Variants in PCTP observed in about 807,000 individuals in gnomAD.
PCTP encodes the protein phosphatidylcholine transfer protein.
A neutral mutation model predicts 31.0 loss-of-function variants in PCTP; 27 were observed. The observed-to-expected ratio is 0.87, with a 90% confidence interval of 0.64 to 1.20. The LOEUF (loss-of-function observed/expected upper bound fraction) is 1.20. PCTP is among the 50% of genes most tolerant of loss of function. PCTP has a pLI of 0.00. For missense variants in PCTP, 287 were observed against 268.2 expected (o/e 1.07, Z -0.49); for synonymous variants, 108 against 101.2 (o/e 1.07, Z -0.40).
intron 2 of PCTP, among the ~76,000 whole-genome samples, chr17:55,783,437 C>G (rs960523317): frequency 1.2e-4 from 19 of 152,170 alleles, no homozygotes; most frequent in Non-Finnish European, 2.2e-4. Context: ...GGACAGCACG[C>G]CGAATTCATT....
chr17:55,787,159 C>A (rs1395903474), intron 2 of PCTP, among the ~76,000 whole-genome samples: 7 of 151,412 alleles, frequency 4.6e-5, no homozygotes, highest in African/African-American at 1.7e-4. Context: ...TCTTTAAGAG[C>A]TGCACTTTCC....
intron 3 of PCTP, among the ~76,000 whole-genome samples, chr17:55,821,886 G>A (rs1913127110): frequency 6.6e-6 from 1 of 152,144 alleles, no homozygotes; most frequent in Non-Finnish European, 1.5e-5. Flanking sequence ...TGAAATCTCT[G>A]CCTCTGACTT....
chr17:55,780,090 CTTTTT>C (rs59816865), downstream of PCTP, among the ~76,000 whole-genome samples: 1 of 138,874 alleles, frequency 7.2e-6, no homozygotes. Flanking sequence ...CAAGGAAGAA[CTTTTT>C]TTTTTTTTTT....
rs1598002648 is a variant in PCTP, at chr17:55,795,109, A to G, written c.317+7455A>G. Among the ~76,000 whole-genome samples, 3 of 152,122 alleles carry G rather than the reference A, an allele frequency of 2.0e-5. No homozygotes were observed. The South Asian group carries it at 6.2e-4, about 32-fold the overall frequency. ...GCCTAAAACTTAAAATTGAATGAAC[A>G]TGACATGAGATGTTTCTAAAGAGCT... On this transcript the variant is annotated intron_variant, in intron 3 of 3. Transcript: ENST00000572536.
chr17:55,756,413 G>T (rs1224049412), intron 1 of PCTP, among the ~76,000 whole-genome samples: 1 of 152,212 alleles, frequency 6.6e-6, no homozygotes, highest in African/African-American at 2.4e-5. Flanking sequence ...AGTCCAGAAA[G>T]GCCCTCTGTG....
chr17:55,846,273 C>G (rs890859913), downstream of PCTP, among the ~76,000 whole-genome samples: 1 of 152,112 alleles, frequency 6.6e-6, no homozygotes, highest in Non-Finnish European at 1.5e-5. Context: ...TCATGTACCA[C>G]CAAATATAGA....
At chr17:55,790,658 TACAA>T (rs1269809425) in intron 3 of PCTP, among the ~76,000 whole-genome samples, 1 of 151,364 alleles carries the variant, frequency 6.6e-6, no homozygotes, top group Non-Finnish European at 1.5e-5. Flanking sequence ...TAAAAGAGGA[TACAA>T]ACAAATGGAA....
intron 3 of PCTP, among the ~76,000 whole-genome samples, chr17:55,793,258 C>G (rs1409277427): frequency 6.6e-6 from 1 of 152,062 alleles, no homozygotes; most frequent in Non-Finnish European, 1.5e-5. Flanking sequence ...TGAGCCTCAT[C>G]TGATTATTCT....
In PCTP at chr17:55,751,415, T is replaced by A. The variant is rs547390695; in HGVS notation, c.141+171T>A. On this transcript the variant is annotated intron_variant, in intron 1 of 5. Coordinates refer to ENST00000268896, the MANE Select transcript of PCTP (RefSeq NM_021213.4). The stretch of plus-strand genomic sequence containing the variant: ...AGCTCTGGAGCTAGCGCAGGGGCGG[T>A]GCCTCCAAGTGACTGCCGTGCAGAT... 9.1e-6 allele frequency: 14 copies of A among 1,534,270 alleles called. No homozygotes were observed. The South Asian group carries it at 1.6e-4, about 17-fold the overall frequency.
chr17:55,756,998 T>G (rs1910061643), intron 1 of PCTP, among the ~76,000 whole-genome samples: 1 of 152,026 alleles, frequency 6.6e-6, no homozygotes, highest in Non-Finnish European at 1.5e-5. Flanking sequence ...GTTTCCTCAT[T>G]TGCAAAACCT....
intron 5 of PCTP, chr17:55,775,688 A>C: frequency 8.3e-7 from 1 of 1,211,534 alleles, no homozygotes; most frequent in Non-Finnish European, 1.0e-6. Flanking sequence ...AATTCAGTAA[A>C]GCAAGTGCTT....
chr17:55,804,997 C>T (rs957740793), intron 3 of PCTP, among the ~76,000 whole-genome samples: 1 of 151,994 alleles, frequency 6.6e-6, no homozygotes, highest in South Asian at 2.1e-4. Flanking sequence ...GGTAGAACAA[C>T]CATGCATTTG....
chr17:55,780,588 C>G (rs779937179), downstream of PCTP, among the ~76,000 whole-genome samples: 3 of 152,224 alleles, frequency 2.0e-5, no homozygotes, highest in African/African-American at 4.8e-5. Context: ...GCCCCACATT[C>G]ATGTAGTCCA....
At chr17:55,802,683 C>T (rs1912427534) in intron 3 of PCTP, among the ~76,000 whole-genome samples, 1 of 152,186 alleles carries the variant, frequency 6.6e-6, no homozygotes, top group South Asian at 2.1e-4. Context: ...ATGCTAAAAA[C>T]TCTCAATAAA....
intron 1 of PCTP, among the ~76,000 whole-genome samples, chr17:55,762,205 G>A (rs76882807): frequency 0.063 from 9,517 of 152,202 alleles, 296 homozygotes; most frequent in African/African-American, 0.067. Context: ...GTTTAGGATG[G>A]GCCAAAGTTC....
chr17:55,789,522 C>T (rs1363193369), intron 3 of PCTP, among the ~76,000 whole-genome samples: 1 of 152,186 alleles, frequency 6.6e-6, no homozygotes, highest in Non-Finnish European at 1.5e-5. Context: ...ATTGCTGTGT[C>T]TGCAATGTTA....
At chr17:55,790,903 T>G (rs1911940811) in intron 3 of PCTP, among the ~76,000 whole-genome samples, 2 of 150,636 alleles carry the variant, frequency 1.3e-5, no homozygotes, top group East Asian at 3.9e-4. Context: ...GACTTCAAAC[T>G]GTACTACAAG....
chr17:55,839,207 C>T (rs766523690), intron 5 of PCTP, among the ~76,000 whole-genome samples: 3 of 152,052 alleles, frequency 2.0e-5, no homozygotes, highest in African/African-American at 4.8e-5. Context: ...TTTTGAGCCT[C>T]AATTTCTTTT....
At chr17:55,791,966 C>T (rs1413584765) in intron 3 of PCTP, among the ~76,000 whole-genome samples, 1 of 151,758 alleles carries the variant, frequency 6.6e-6, no homozygotes, top group Non-Finnish European at 1.5e-5. Context: ...CCATGGAATA[C>T]TATGCAGCCA....
Sources: gnomAD v4.1 joint callset for allele counts (sites outside exome capture counted in the v4.1 genomes callset) on GRCh38, gnomAD v4.1.1 for gene constraint, MANE v1.5 for transcripts, NCBI Gene and HGNC (gene_info 2026-07-23, HGNC 2026-07-21) for gene names.